The following FGFR3 variants were observed in gnomAD, a reference collection of about 807,000 sequenced individuals.
FGFR3 encodes fibroblast growth factor receptor 3, also known as FGFR-3.
A neutral mutation model predicts 82.9 loss-of-function variants in FGFR3; 25 were observed. The observed-to-expected ratio is 0.30, with a 90% CI of 0.22 to 0.42. The LOEUF is 0.42. FGFR3 is among the 10% of genes least tolerant of loss of function. The probability of loss-of-function intolerance (pLI) is 1.00; values close to 1 mark genes in which losing one functional copy is unlikely to be tolerated. For synonymous variants in FGFR3, 620 were observed against 516.0 expected (o/e 1.20, Z -2.73); for missense variants, 1,026 against 1,161.0 (o/e 0.88, Z 1.69).
chr4:1,805,295 C>T (rs1385515030), intron 10 of FGFR3, 60 bp from the exon 11 acceptor site: 17 of 1,600,572 alleles, frequency 1.1e-5, no homozygotes, highest in Admixed American at 5.0e-5. Context: ...GGGTGGGGAC[C>T]GTGGTGGGCT....
chr4:1,803,301 G>A, intron 7 of FGFR3: 3 of 533,610 alleles, frequency 5.6e-6, no homozygotes, highest in South Asian at 5.3e-5. Flanking sequence ...GGTGCCCGGT[G>A]CCCACCGGGC....
At chr4:1,797,069 A>G (rs989170295) in intron 2 of FGFR3, among the ~76,000 whole-genome samples, 1 of 151,862 alleles carries the variant, frequency 6.6e-6, no homozygotes, top group Admixed American at 6.6e-5. Flanking sequence ...GTTGCCTCCT[A>G]CCCCGCCTTG....
intron 7 of FGFR3, chr4:1,803,203 C>T: frequency 1.9e-6 from 2 of 1,073,810 alleles, no homozygotes; most frequent in East Asian, 3.5e-5. Context: ...CTCGGCAAGG[C>T]TGGCAGCTCC....
At chr4:1,801,765 G>C in intron 6 of FGFR3, 22 bp downstream of exon 6, 5 of 1,592,872 alleles carry the variant, frequency 3.1e-6, no homozygotes, top group Non-Finnish European at 4.3e-6. Flanking sequence ...GGGGCGGCGC[G>C]GGGGTGGGGG....
chr4:1,795,439 G>A (rs1030505310), intron 2 of FGFR3, among the ~76,000 whole-genome samples: 1 of 151,262 alleles, frequency 6.6e-6, no homozygotes, highest in Non-Finnish European at 1.5e-5. Flanking sequence ...CTCCCCCGGG[G>A]CGGCGCCCCC....
intron 2 of FGFR3, among the ~76,000 whole-genome samples, chr4:1,794,938 C>T (rs1203380430): frequency 1.3e-5 from 2 of 151,658 alleles, no homozygotes; most frequent in Non-Finnish European, 2.9e-5. Context: ...CTTTGTACCT[C>T]GACGCGGCCA....
In FGFR3 at chr4:1,805,912, G is replaced by A. The variant is rs1462697338; in HGVS notation, c.1808G>A (p.Arg603Gln). The change falls in exon 13 of 18, where the codon CGG (arginine) becomes CAG (glutamine). Residue 603 changes from arginine (R) to glutamine (Q), a missense_variant. Arg to Gln is a conservative substitution (Grantham distance 43, BLOSUM62 1). Around this residue, in one of 9 missense-constraint regions of FGFR3, gnomAD observed 164 missense variants for 167.5 expected, o/e 0.98. Coordinates refer to ENST00000440486, the MANE Select transcript of FGFR3 (RefSeq NM_000142.5). ...DLVSCAYQVARGMEYLASQKC... is the reference protein window; with the variant it reads ...DLVSCAYQVAQGMEYLASQKC... The stretch of plus-strand genomic sequence containing the variant: ...GTGTCCTGTGCCTACCAGGTGGCCC[G>A]GGGCATGGAGTACTTGGCCTCCCAG... The A allele has an allele frequency of 1.2e-6, 2 of 1,611,412 alleles. No homozygotes were observed. The highest frequency in any genetic ancestry group is 1.7e-6 in the Non-Finnish European group (2 of 1,178,726).
intron 15 of FGFR3, 26 bp from the exon 16 acceptor site, chr4:1,806,520 C>G (rs765789125): frequency 6.2e-7 from 1 of 1,612,714 alleles, no homozygotes; most frequent in African/African-American, 1.3e-5. Context: ...AGTCTCAGGA[C>G]AGCCTGACCT....
chr4:1,807,570 G>C lies in FGFR3; in HGVS notation c.*308G>C, dbSNP rs547734987. 4.6e-5 allele frequency: 32 copies of C among 696,978 alleles called. No individual in the cohort carries two copies. The highest frequency in any genetic ancestry group is 3.9e-4 in the South Asian group (28 of 72,166). 43.2% of individuals were successfully genotyped at this position (696,978 alleles called of 1,614,324 possible). ...GGGACCCAGTGCAGAATGTAAGTGG[G>C]CCCACCCGGTGGGACCCCCGTGGGG... On this transcript the variant is annotated 3_prime_UTR_variant, in exon 18 of 18. Coordinates refer to ENST00000440486, the MANE Select transcript of FGFR3 (RefSeq NM_000142.5).
At position 1,807,513 on chromosome 4, in the gene FGFR3, G is replaced by T; in HGVS notation, c.*251G>T. The T allele has an allele frequency of 1.4e-6, 1 of 718,642 alleles. No homozygotes were observed. Among genetic ancestry groups the T allele is most frequent in the Non-Finnish European group, 2.5e-6 (1 of 398,198 alleles). 44.5% of individuals were successfully genotyped at this position (718,642 alleles called of 1,614,324 possible). ...CTGCTGTGCAACGGTCTCCTGACTGGTGCTGCAGCACCGAGGGGCCTTTGT... is the reference window on the plus strand; with the variant it reads ...CTGCTGTGCAACGGTCTCCTGACTGTTGCTGCAGCACCGAGGGGCCTTTGT... On this transcript the variant is annotated 3_prime_UTR_variant, in exon 18 of 18. Transcript: ENST00000440486.
rs895049751 is a variant in FGFR3, at chr4:1,806,414, C to T, written c.2030+87C>T. On this transcript the variant is annotated intron_variant, in intron 15 of 17. Transcript: ENST00000440486. ...CCCAGCTGCAGTCCCCAGGCCTGTG[C>T]CCTGGAGCTCCTGGGTGTGGTTTCT... The T allele has an allele frequency of 3.5e-5, 56 of 1,595,994 alleles. 1 individual carries two copies. The highest frequency in any genetic ancestry group is 1.9e-4 in the Middle Eastern group (1 of 5,384).
chr4:1,806,760 C>T (rs2108813450), intron 16 of FGFR3, 69 bp from the exon 17 acceptor site: 1 of 1,593,802 alleles, frequency 6.3e-7, no homozygotes, highest in Non-Finnish European at 8.5e-7. Context: ...GAGGGACTGG[C>T]AGCCCTTCAG....
Position 1,794,039 on chromosome 4 carries a change from G to A in FGFR3, c.105G>A (p.Ala35=), listed in dbSNP as rs757606860. 5 of 1,404,068 alleles carry A rather than the reference G, an allele frequency of 3.6e-6. No individual in the cohort carries two copies. The South Asian group carries it at 6.4e-5, about 18-fold the overall frequency. The allele number at this position is 1,404,068 out of a possible 1,614,324, so 87.0% of individuals were successfully genotyped here. The change falls in exon 2 of 18, where the codon GCG becomes GCA. Residue 35 remains alanine, a synonymous_variant. Coordinates refer to ENST00000440486, the MANE Select transcript of FGFR3 (RefSeq NM_000142.5). ...LGTEQRVVGR[A]AEVPGPEPGQ... ...CGGAGCAGCGCGTCGTGGGGCGAGCGGCAGGTAAGAAGGGACCCACTAGGC... is the reference window on the plus strand; with the variant it reads ...CGGAGCAGCGCGTCGTGGGGCGAGCAGCAGGTAAGAAGGGACCCACTAGGC...
rs769692611 is a variant in FGFR3 at position 1,801,942 on chromosome 4, C to T, written c.847C>T (p.Pro283Ser). The T allele has an allele frequency of 4.3e-6, 7 of 1,612,796 alleles. No homozygotes were observed. Among genetic ancestry groups the T allele is most frequent in the East Asian group, 2.2e-5 (1 of 44,872 alleles). Residue 283 changes from proline (P) to serine (S), a missense_variant, in exon 7 of 18, where the codon CCC (proline) becomes TCC (serine). Pro to Ser is a moderately conservative substitution (Grantham distance 74, BLOSUM62 -1). Around this residue, in one of 9 missense-constraint regions of FGFR3, gnomAD observed 147 missense variants for 228.1 expected, o/e 0.64. Transcript: ENST00000440486. ...FHCKVYSDAQ[P>S]HIQWLKHVEV... is the part of the protein sequence containing the mutation. ...CTGCAAGGTGTACAGTGACGCACAG[C>T]CCCACATCCAGTGGCTCAAGCACGT...
At chr4:1,798,541 C>G (rs549004906) in intron 2 of FGFR3, among the ~76,000 whole-genome samples, 1 of 152,026 alleles carries the variant, frequency 6.6e-6, no homozygotes, top group Admixed American at 6.5e-5. Flanking sequence ...CCCCCACCCC[C>G]GCCCCGGCCC....
Position 1,804,812 on chromosome 4 carries a change from T to C in FGFR3, c.1267-12T>C, listed in dbSNP as rs1721670877. ...CCACGCGGCGCCAACCTGCCCCTGCTGACCCAAGCAGGTGTCCCTGGAGTC... is the reference window on the plus strand; with the variant it reads ...CCACGCGGCGCCAACCTGCCCCTGCCGACCCAAGCAGGTGTCCCTGGAGTC... On this transcript the variant is annotated splice_polypyrimidine_tract_variant and intron_variant, in intron 9 of 17. Transcript: ENST00000440486. 1 of 1,549,478 alleles carries C rather than the reference T, an allele frequency of 6.5e-7. No homozygotes were observed.
rs1400007218 is a variant in FGFR3 at position 1,806,565 on chromosome 4, C to T, written c.2050C>T (p.Leu684Phe). The change falls in exon 16 of 18, where the codon CTC becomes TTC. Residue 684 changes from leucine to phenylalanine, a missense_variant. This residue lies in a region of FGFR3 where 45 missense variants were observed against 80.8 expected (regional missense o/e 0.56). Transcript: ENST00000440486. ...CTGCAGCTGGTCCTTTGGGGTCCTG[C>T]TCTGGGAGATCTTCACGCTGGGGGG... ...QSDVWSFGVL[L>F]WEIFTLGGSP... 6.2e-7 allele frequency: 1 copy of T among 1,612,972 alleles called. No homozygotes were observed. The highest frequency in any genetic ancestry group is 1.7e-5 in the Admixed American group (1 of 60,002).
chr4:1,798,547 G>A (rs1017834917), intron 2 of FGFR3, among the ~76,000 whole-genome samples: 8 of 40,792 alleles, frequency 2.0e-4, no homozygotes, highest in Non-Finnish European at 4.0e-4. Context: ...CCCCCGCCCC[G>A]GCCCCCTCGC....
At chr4:1,798,593 G>A (rs1469922223) in intron 2 of FGFR3, among the ~76,000 whole-genome samples, 15 of 144,294 alleles carry the variant, frequency 1.0e-4, no homozygotes, top group Admixed American at 2.8e-4. Flanking sequence ...GTGAACCCGC[G>A]CATCGCCCCC....
Sources: allele counts gnomAD v4.1 joint callset (sites outside exome capture counted in the v4.1 genomes callset), GRCh38; gene constraint gnomAD v4.1.1; regional missense constraint gnomAD v4.1.1; transcripts MANE v1.5; gene names NCBI Gene and HGNC (gene_info 2026-07-23, HGNC 2026-07-21).